The following COP1 variants were observed in gnomAD, a reference collection of about 807,000 sequenced individuals.
COP1 encodes COP1 E3 ubiquitin ligase, also known as E3 ubiquitin-protein ligase COP1.
A neutral mutation model predicts 101.3 loss-of-function variants in COP1; 24 were observed. The ratio of observed to expected loss-of-function variants is 0.24; its 90% CI spans 0.17 to 0.33. COP1 has a LOEUF of 0.33. Among genes scored for constraint, COP1 ranks in the 10% least tolerant of loss-of-function variants. The probability of loss-of-function intolerance (pLI) is 1.00; values close to 1 mark genes in which losing one functional copy is unlikely to be tolerated. For missense variants in COP1, 663 were observed against 906.2 expected (o/e 0.73, Z 3.45); for synonymous variants, 347 against 341.9 (o/e 1.01, Z -0.17).
intron 11 of COP1, among the ~76,000 whole-genome samples, chr1:176,055,809 T>C (rs1378703702): frequency 1.3e-5 from 2 of 152,200 alleles, no homozygotes; most frequent in Non-Finnish European, 2.9e-5. Context: ...TTTCATAATG[T>C]ATTCTTATTT....
intron 3 of COP1, among the ~76,000 whole-genome samples, chr1:176,173,815 C>T (rs371131657): frequency 2.0e-5 from 3 of 151,356 alleles, no homozygotes; most frequent in East Asian, 3.9e-4. Flanking sequence ...TGGTGAAACC[C>T]CGTCTCTACT....
intron 15 of COP1, among the ~76,000 whole-genome samples, chr1:176,005,820 A>T (rs1571601171): frequency 1.3e-5 from 2 of 152,188 alleles, no homozygotes; most frequent in South Asian, 4.2e-4. Flanking sequence ...AAACATGCAT[A>T]TTCTGTTGAT....
rs1424966834 is a variant in COP1, at chr1:176,085,834, A to C, written c.1083T>G (p.Thr361=). 1 of 1,608,766 alleles carries C rather than the reference A, an allele frequency of 6.2e-7. No homozygotes were observed. Among genetic ancestry groups the C allele is most frequent in the Non-Finnish European group, 8.5e-7 (1 of 1,176,178 alleles). ...ACTGCTCCAAGTCTTCAAAATGAGC[A>C]GTAAGTCGTTTTCGTCTTGATGCTA... ...STLASRRKRL[T]AHFEDLEQCY... Residue 361 remains threonine (T), a synonymous_variant, in exon 10 of 20, where the codon ACT becomes ACG. Coordinates refer to ENST00000367669, the MANE Select transcript of COP1 (RefSeq NM_022457.7).
intron 1 of COP1, among the ~76,000 whole-genome samples, chr1:176,197,478 C>T (rs1329950704): frequency 6.6e-6 from 1 of 152,168 alleles, no homozygotes; most frequent in Non-Finnish European, 1.5e-5. Flanking sequence ...TTGTTTTGTA[C>T]TTCTAGTCTC....
intron 9 of COP1, among the ~76,000 whole-genome samples, chr1:176,090,900 T>C (rs1681155427): frequency 6.6e-6 from 1 of 152,206 alleles, no homozygotes; most frequent in South Asian, 2.1e-4. Context: ...AGTGAAATTA[T>C]TCCGATCAAG....
chr1:176,167,286 C>G (rs1216056447), intron 3 of COP1, among the ~76,000 whole-genome samples: 1 of 152,148 alleles, frequency 6.6e-6, no homozygotes, highest in Non-Finnish European at 1.5e-5. Flanking sequence ...GCAATGCTTA[C>G]CTATTAGCAG....
At chr1:176,085,602 T>C (rs1052988120) in intron 10 of COP1, among the ~76,000 whole-genome samples, 174 bp downstream of exon 10, 7 of 152,176 alleles carry the variant, frequency 4.6e-5, no homozygotes, top group Non-Finnish European at 8.8e-5. Flanking sequence ...AAAATAGTCA[T>C]TGGAAAGTAA....
chr1:176,169,429 T>G (rs781247298), intron 3 of COP1, among the ~76,000 whole-genome samples: 1 of 152,172 alleles, frequency 6.6e-6, no homozygotes, highest in Non-Finnish European at 1.5e-5. Context: ...AAAAAAACTT[T>G]TAAGTGTGTA....
rs150692243 is a variant in COP1 at position 176,056,066 on chromosome 1, C to T, written c.1278-9742G>A. Among the ~76,000 whole-genome samples the T allele has an allele frequency of 2.6e-3, 398 of 152,192 alleles. 3 individuals carry two copies. The highest frequency in any genetic ancestry group is 9.1e-3 in the African/African-American group (380 of 41,536). On this transcript the variant is annotated intron_variant, in intron 11 of 19. Transcript: ENST00000367669. The stretch of plus-strand genomic sequence containing the variant: ...ACTGGTTTGATTTCCATTTTGATCC[C>T]AGCGTTGCCAAAAAAGCTATTAAAT...
intron 9 of COP1, among the ~76,000 whole-genome samples, chr1:176,093,955 G>A (rs367999772): frequency 6.6e-6 from 1 of 151,960 alleles, no homozygotes; most frequent in Non-Finnish European, 1.5e-5. Flanking sequence ...CCCAGGAAGC[G>A]GAGGTTGTAG....
At chr1:176,115,364 C>T (rs1235748364) in intron 9 of COP1, among the ~76,000 whole-genome samples, 3 of 152,126 alleles carry the variant, frequency 2.0e-5, no homozygotes, top group Non-Finnish European at 2.9e-5. Flanking sequence ...GCTGGAGAAT[C>T]GCTTGAACCC....
chr1:176,009,002 C>T (rs1664103698), intron 15 of COP1, among the ~76,000 whole-genome samples: 2 of 152,322 alleles, frequency 1.3e-5, no homozygotes, highest in South Asian at 4.1e-4. Context: ...CCTGCTTACA[C>T]AGAGCTCATG....
chr1:176,206,460 C>A, intron 1 of COP1, 112 bp downstream of exon 1: 2 of 1,253,870 alleles, frequency 1.6e-6, no homozygotes, highest in African/African-American at 3.0e-5. Context: ...ACCACAGCAC[C>A]AGTATCCCAA....
At chr1:176,104,828 C>T (rs898487389) in intron 9 of COP1, among the ~76,000 whole-genome samples, 11 of 152,110 alleles carry the variant, frequency 7.2e-5, no homozygotes, top group Admixed American at 3.9e-4. Flanking sequence ...TATGAAAATA[C>T]ATAGGCACAA....
intron 18 of COP1, among the ~76,000 whole-genome samples, chr1:175,983,268 A>G (rs997089236): frequency 1.3e-5 from 2 of 152,194 alleles, no homozygotes; most frequent in African/African-American, 2.4e-5. Context: ...ATGTTGTGGA[A>G]GGGACCCAGT....
chr1:176,053,776 T>A (rs534845209), intron 11 of COP1, among the ~76,000 whole-genome samples: 1 of 152,320 alleles, frequency 6.6e-6, no homozygotes, highest in East Asian at 1.9e-4. Flanking sequence ...CTGTTATGTA[T>A]TTACTTTCTT....
At chr1:176,103,264 C>A (rs904736763) in intron 9 of COP1, among the ~76,000 whole-genome samples, 2 of 152,186 alleles carry the variant, frequency 1.3e-5, no homozygotes, top group Admixed American at 6.5e-5. Context: ...GGGTGAGACA[C>A]CCACAAAGCC....
rs1420756298 is a variant in COP1 at position 176,029,887 on chromosome 1, T to C, written c.1613-2199A>G. On this transcript the variant is annotated intron_variant, in intron 14 of 19. Coordinates refer to ENST00000367669, the MANE Select transcript of COP1 (RefSeq NM_022457.7). The stretch of plus-strand genomic sequence containing the variant: ...AAAATATTGCTAATTTACAATCTGA[T>C]AAATTTATTAGCCTTCCCACAGTAA... Among the ~76,000 whole-genome samples the C allele has an allele frequency of 9.8e-5, 15 of 152,334 alleles. No individual in the cohort carries two copies. In the East Asian group the frequency reaches 2.9e-3, roughly 29 times the overall value.
chr1:176,162,526 A>T (rs1424596133), intron 5 of COP1, among the ~76,000 whole-genome samples: 1 of 152,170 alleles, frequency 6.6e-6, no homozygotes, highest in Non-Finnish European at 1.5e-5. Context: ...TCCAAATCTC[A>T]CATATGAAGA....
Sources: allele counts gnomAD v4.1 joint callset (sites outside exome capture counted in the v4.1 genomes callset), GRCh38; gene constraint gnomAD v4.1.1; transcripts MANE v1.5; gene names NCBI Gene and HGNC (gene_info 2026-07-23, HGNC 2026-07-21).